The following PTPRD variants were observed in gnomAD, a reference collection of about 807,000 sequenced individuals.
PTPRD encodes receptor-type tyrosine-protein phosphatase delta.
A neutral mutation model predicts 214.5 loss-of-function variants in PTPRD; 34 were observed. The ratio of observed to expected loss-of-function variants is 0.16; its 90% confidence interval spans 0.12 to 0.21. The LOEUF (loss-of-function observed/expected upper bound fraction) is 0.21, where lower values mean the gene tolerates loss of function less well. PTPRD is among the 10% of genes least tolerant of loss of function. The pLI is 1.00. For missense variants in PTPRD, 2,545 were observed against 2,398.7 expected, an observed-to-expected ratio of 1.06 and a Z score of -1.27; for synonymous variants, 1,128 against 845.7, an observed-to-expected ratio of 1.33 and a Z score of -5.79.
chr9:10,161,838 C>T (rs552758757), intron 3 of PTPRD, among the ~76,000 whole-genome samples: 2 of 151,638 alleles, frequency 1.3e-5, no homozygotes, highest in Non-Finnish European at 3.0e-5. Flanking sequence ...GCTGAAATGG[C>T]TCAATAGCAA....
chr9:10,068,771 T>A (rs1443531875), intron 3 of PTPRD, among the ~76,000 whole-genome samples: 2 of 151,654 alleles, frequency 1.3e-5, no homozygotes, highest in Non-Finnish European at 2.9e-5. Context: ...GAAAAAAGAG[T>A]GGAATGCCAA....
intron 9 of PTPRD, among the ~76,000 whole-genome samples, chr9:9,391,626 T>A (rs997148610): frequency 1.3e-5 from 2 of 152,162 alleles, no homozygotes; most frequent in Non-Finnish European, 2.9e-5. Flanking sequence ...ATGCACCAAA[T>A]TATTTTGTTG....
intron 5 of PTPRD, among the ~76,000 whole-genome samples, chr9:9,796,695 T>G (rs1296835982): frequency 6.6e-5 from 10 of 152,060 alleles, no homozygotes; most frequent in South Asian, 4.1e-4. Context: ...AAAGCTGAAT[T>G]TGGAAGGTAA....
At chr9:10,366,187 T>C (rs1467253950) in intron 2 of PTPRD, among the ~76,000 whole-genome samples, 1 of 152,230 alleles carries the variant, frequency 6.6e-6, no homozygotes, top group East Asian at 1.9e-4. Flanking sequence ...CTGCGATGTA[T>C]GCTTCCCTAT....
intron 11 of PTPRD, among the ~76,000 whole-genome samples, chr9:9,017,266 A>G (rs949320470): frequency 2.0e-5 from 3 of 152,144 alleles, no homozygotes; most frequent in Admixed American, 2.0e-4. Context: ...TATGCCAATG[A>G]AAAGAAAGGT....
chr9:8,332,248 C>T (rs16924677), intron 43 of PTPRD, among the ~76,000 whole-genome samples: 5 of 152,186 alleles, frequency 3.3e-5, no homozygotes, highest in East Asian at 1.9e-4. Flanking sequence ...GCTGTGCTTG[C>T]GTATTTCTAC....
intron 10 of PTPRD, among the ~76,000 whole-genome samples, chr9:9,046,388 A>G (rs1442362941): frequency 6.6e-6 from 1 of 152,186 alleles, no homozygotes; most frequent in Non-Finnish European, 1.5e-5. Flanking sequence ...AATTGTTTTT[A>G]TAAAATTTTC....
intron 9 of PTPRD, among the ~76,000 whole-genome samples, chr9:9,365,025 A>G (rs758405256): frequency 6.6e-6 from 1 of 151,506 alleles, no homozygotes; most frequent in African/African-American, 2.4e-5. Context: ...TATGACTGTG[A>G]GAGTCAAGGA....
At position 10,356,161 on chromosome 9, in the gene PTPRD, A is replaced by C. The variant is rs142730383; in HGVS notation, c.-599-15144T>G. On this transcript the variant is annotated intron_variant, in intron 2 of 45. Transcript: ENST00000381196. ...TTTGTTTGTATCAACCAAGCTCTGAACTGCCTGGCCACAGGCTAGTGTGGC... is the reference window on the plus strand; with the variant it reads ...TTTGTTTGTATCAACCAAGCTCTGACCTGCCTGGCCACAGGCTAGTGTGGC... Among the ~76,000 whole-genome samples, 236 of 151,864 alleles carry C rather than the reference A, an allele frequency of 1.6e-3. 3 individuals carry two copies. The East Asian group carries it at 0.04, about 26-fold the overall frequency.
At chr9:8,463,209 A>C (rs1293296607) in intron 32 of PTPRD, among the ~76,000 whole-genome samples, 1 of 148,214 alleles carries the variant, frequency 6.7e-6, no homozygotes, top group African/African-American at 2.5e-5. Flanking sequence ...CATTTTCGTC[A>C]TTGTGCCCAG....
chr9:10,116,005 G>T (rs72694892), intron 3 of PTPRD, among the ~76,000 whole-genome samples: 9,355 of 152,100 alleles, frequency 0.062, 371 homozygotes, highest in Admixed American at 0.1. Context: ...GAATGACTTA[G>T]ATATAGGCAT....
intron 4 of PTPRD, among the ~76,000 whole-genome samples, chr9:9,991,883 C>A (rs1267834800): frequency 6.7e-6 from 1 of 148,930 alleles, no homozygotes; most frequent in African/African-American, 2.5e-5. Flanking sequence ...TTCCAAATGG[C>A]CATTAACATA....
chr9:8,571,090 C>T (rs1436187874), intron 14 of PTPRD, among the ~76,000 whole-genome samples: 1 of 152,016 alleles, frequency 6.6e-6, no homozygotes, highest in East Asian at 1.9e-4. Flanking sequence ...CACGAGCTTC[C>T]ACGGCATATT....
intron 8 of PTPRD, among the ~76,000 whole-genome samples, chr9:9,464,735 A>C (rs2093987499): frequency 6.6e-6 from 1 of 152,158 alleles, no homozygotes; most frequent in Non-Finnish European, 1.5e-5. Context: ...AGTAAACATG[A>C]GTTTTTAGCA....
At chr9:8,821,939 A>G (rs2097075785) in intron 11 of PTPRD, among the ~76,000 whole-genome samples, 1 of 152,240 alleles carries the variant, frequency 6.6e-6, no homozygotes, top group Admixed American at 6.5e-5. Flanking sequence ...CTGGGATTAC[A>G]GGCGTGAGCC....
intron 14 of PTPRD, among the ~76,000 whole-genome samples, chr9:8,577,721 C>T (rs1213122755): frequency 2.0e-5 from 3 of 152,200 alleles, no homozygotes; most frequent in African/African-American, 7.2e-5. Context: ...TACTTATACT[C>T]AACTGCAGTA....
rs139875236 is a variant in PTPRD, at chr9:8,555,946, A to G, written c.353-27167T>C. Among the ~76,000 whole-genome samples, 780 of 152,312 alleles carry G rather than the reference A, an allele frequency of 5.1e-3. 14 individuals carry two copies. Among genetic ancestry groups the G allele is most frequent in the African/African-American group, 0.016 (671 of 41,570 alleles). ...TACAGAAATGGGTCAGAGCAGATGC[A>G]GATCTGTGAAGACATCTTCATTTCT... On this transcript the variant is annotated intron_variant, in intron 14 of 45. Transcript: ENST00000381196.
chr9:8,446,087 C>T (rs1308533665), intron 34 of PTPRD, among the ~76,000 whole-genome samples: 4 of 152,200 alleles, frequency 2.6e-5, no homozygotes, highest in Admixed American at 6.5e-5. Context: ...TCCAACCTCA[C>T]AAGGATGGTT....
At chr9:8,889,234 A>T (rs960027410) in intron 11 of PTPRD, among the ~76,000 whole-genome samples, 14 of 152,144 alleles carry the variant, frequency 9.2e-5, no homozygotes, top group African/African-American at 3.4e-4. Context: ...CCAGAAATAC[A>T]GAGAGATGGT....
Sources: gnomAD v4.1 joint callset for allele counts (sites outside exome capture counted in the v4.1 genomes callset) on GRCh38, gnomAD v4.1.1 for gene constraint, MANE v1.5 for transcripts, NCBI Gene and HGNC (gene_info 2026-07-23, HGNC 2026-07-21) for gene names.